Variants in INTS1 observed in about 807,000 individuals in gnomAD.
INTS1 encodes integrator complex subunit 1.
Under a neutral mutation model 241.6 loss-of-function variants are expected in INTS1, and 137 were observed. That is an observed-to-expected ratio of 0.57 (90% CI 0.49 to 0.65). INTS1 has a LOEUF of 0.65. INTS1 is among the 30% of genes least tolerant of loss of function. The pLI, the probability that INTS1 is intolerant of heterozygous loss-of-function variation, is 0.00. For missense variants in INTS1, 3,073 were observed against 3,032.2 expected (o/e 1.01, Z -0.32); for synonymous variants, 1,692 against 1,337.8 (o/e 1.26, Z -5.78).
rs548074674 is a variant in INTS1 at position 1,499,118 on chromosome 7, T to C, written c.994A>G (p.Met332Val). The change falls in exon 8 of 48, where the codon ATG (methionine) becomes GTG (valine). Residue 332 changes from methionine to valine, a missense_variant. By Grantham distance (21) the Met-to-Val change is conservative. Transcript: ENST00000404767. ...AESVEEYVLDMLRDQLNRRQP... is the reference protein window; with the variant it reads ...AESVEEYVLDVLRDQLNRRQP... ...CGCCGGTTCAGCTGGTCCCGCAGCA[T>C]GTCCAGGACATACTCCTCCACGCTC... is the stretch of plus-strand genomic sequence containing the variant. 93 of 1,611,682 alleles carry C rather than the reference T, an allele frequency of 5.8e-5. No individual in the cohort carries two copies. In the East Asian group the frequency reaches 1.6e-3, roughly 28 times the overall value.
At chr7:1,480,524 C>A in intron 29 of INTS1, 83 bp from the exon 30 acceptor site, 1 of 1,468,356 alleles carries the variant, frequency 6.8e-7, no homozygotes, top group South Asian at 1.3e-5. Flanking sequence ...CATGGCGAGT[C>A]CTGCCCGGGG....
At chr7:1,483,241 T>G in intron 26 of INTS1, 1 of 228,542 alleles carries the variant, frequency 4.4e-6, no homozygotes, top group Non-Finnish European at 8.8e-6. Flanking sequence ...GTTCATGGTG[T>G]CAGCCAGGAG....
Position 1,473,613 on chromosome 7 carries a change from A to G in INTS1, c.5910T>C (p.Asn1970=), listed in dbSNP as rs751156395. ...VQFIHKYITY[N]APAAISFLQK... Reference sequence around the variant, plus strand: ...GCAGGAAGGAGATGGCTGCTGGGGCATTGTAGGTAATGTACTTATGGATGA... The same window carrying G: ...GCAGGAAGGAGATGGCTGCTGGGGCGTTGTAGGTAATGTACTTATGGATGA... The change falls in exon 42 of 48, where the codon AAT becomes AAC. Residue 1970 remains asparagine, a synonymous_variant. Transcript: ENST00000404767. 4.3e-6 allele frequency: 7 copies of G among 1,612,096 alleles called. No homozygotes were observed. The highest frequency in any genetic ancestry group is 1.1e-5 in the South Asian group (1 of 90,724).
chr7:1,494,646 T>C lies in INTS1; in HGVS notation c.1910+170A>G. On this transcript the variant is annotated intron_variant, in intron 14 of 47. Coordinates refer to ENST00000404767, the MANE Select transcript of INTS1 (RefSeq NM_001080453.3). ...CTACAGTGGCGCTGGGACGCCAGCA[T>C]GGGAGTGGGAGAAGGGTGGCACCCA... 4.4e-6 allele frequency: 3 copies of C among 679,824 alleles called. 1 individual carries two copies. In the East Asian group the frequency reaches 8.2e-5, roughly 19 times the overall value. 42.1% of individuals were successfully genotyped at this position (679,824 alleles called of 1,614,324 possible). A position where few individuals can be genotyped will look rare whatever the true frequency, so the allele number is the denominator to read the frequency against.
chr7:1,496,332 G>T (rs1211883051), intron 11 of INTS1, 68 bp from the exon 12 acceptor site: 7 of 611,588 alleles, frequency 1.1e-5, no homozygotes, highest in Admixed American at 8.7e-5. Flanking sequence ...ACCCACGTGG[G>T]CGCGGCACGG....
At position 1,471,154 on chromosome 7, in the gene INTS1, C is replaced by G; in HGVS notation, c.6326G>C (p.Arg2109Pro). 6.3e-7 allele frequency: 1 copy of G among 1,576,372 alleles called. No homozygotes were observed. Among genetic ancestry groups the G allele is most frequent in the Non-Finnish European group, 8.6e-7 (1 of 1,162,482 alleles). Residue 2109 changes from arginine to proline, a missense_variant, in exon 46 of 48, where the codon CGC (arginine) becomes CCC (proline). By Grantham distance (103) the Arg-to-Pro change is moderately radical. Transcript: ENST00000404767. ...CRNLAFSLAL[R>P]SMQNSPSIAA... ...TCACCTGGGGCTGTTCTGCATGGAG[C>G]GCAGGGCCAGGCTGAAGGCGAGGTT...
rs926864126 is a variant in INTS1, at chr7:1,476,143, C to G, written c.5379-72G>C. ...ACAGGGGTGGGTGGACGGGACCAGG[C>G]GTGATGGGAACCCACCCAGGGCTGG... On this transcript the variant is annotated intron_variant, in intron 38 of 47. Transcript: ENST00000404767. The G allele has an allele frequency of 1.8e-5, 27 of 1,525,182 alleles. No homozygotes were observed. In the African/African-American group the frequency reaches 3.0e-4, roughly 17 times the overall value. 94.5% of individuals were successfully genotyped at this position (1,525,182 alleles called of 1,614,324 possible).
chr7:1,475,579 G>A (rs1221635914), intron 39 of INTS1, among the ~76,000 whole-genome samples: 1 of 152,182 alleles, frequency 6.6e-6, no homozygotes, highest in Admixed American at 6.5e-5. Context: ...GGTCACTGGA[G>A]AGGAGCAGAC....
chr7:1,484,641 G>C (rs1187708646), intron 24 of INTS1, among the ~76,000 whole-genome samples: 2 of 152,226 alleles, frequency 1.3e-5, no homozygotes, highest in Non-Finnish European at 2.9e-5. Context: ...CCAGCGACCT[G>C]GGCCCACAGC....
chr7:1,474,654 C>T, intron 40 of INTS1, 51 bp downstream of exon 40: 1 of 1,514,212 alleles, frequency 6.6e-7, no homozygotes, highest in East Asian at 2.5e-5. Flanking sequence ...GAGCCGCAGA[C>T]CCCCCTGGTT....
At chr7:1,472,524 A>C in intron 43 of INTS1, 138 bp from the exon 44 acceptor site, 2 of 602,440 alleles carry the variant, frequency 3.3e-6, no homozygotes, top group Non-Finnish European at 5.8e-6. Context: ...GCGCTCCACA[A>C]ATGGGGTGGA....
intron 1 of INTS1, 81 bp downstream of exon 1, chr7:1,504,242 G>A (rs1034384307): frequency 5.1e-6 from 3 of 586,526 alleles, no homozygotes; most frequent in East Asian, 3.7e-5. Context: ...AGAAGGGACG[G>A]CCCAGAGGCC....
rs1344221773 is a variant in INTS1, at chr7:1,476,329, C to T, written c.5278G>A (p.Ala1760Thr). 1 of 1,586,590 alleles carries T rather than the reference C, an allele frequency of 6.3e-7. No individual in the cohort carries two copies. Among genetic ancestry groups the T allele is most frequent in the South Asian group, 1.2e-5 (1 of 86,936 alleles). Residue 1760 changes from alanine (A) to threonine (T), a missense_variant, in exon 38 of 48, where the codon GCC becomes ACC. Transcript: ENST00000404767. Reference protein sequence around the residue: ...GDTAACSLIQARLPLLLSCCC... With the variant: ...GDTAACSLIQTRLPLLLSCCC... ...CAGCTGAGCAGCAGGGGCAGCCGGGCCTGGATGAGGCTGCAGGCGGCTGTG... is the reference window on the plus strand; with the variant it reads ...CAGCTGAGCAGCAGGGGCAGCCGGGTCTGGATGAGGCTGCAGGCGGCTGTG...
chr7:1,493,713 A>G lies in INTS1; in HGVS notation c.2068+41T>C. 2 of 1,539,928 alleles carry G rather than the reference A, an allele frequency of 1.3e-6. No individual in the cohort carries two copies. Among genetic ancestry groups the G allele is most frequent in the East Asian group, 2.4e-5 (1 of 40,994 alleles). On this transcript the variant is annotated intron_variant, in intron 15 of 47. Transcript: ENST00000404767. The surrounding 1 kb of genome is among the most constrained non-coding windows in gnomAD (Gnocchi z 5.3). ...CCGGGGTTTCTGCAGGGACGAGGGG[A>G]GCAGACCCAGCACAGGCGCCATCCC...
chr7:1,478,930 CG>C, intron 31 of INTS1, 45 bp from the exon 32 acceptor site: 1 of 1,559,990 alleles, frequency 6.4e-7, no homozygotes. Context: ...AGAGGACACA[CG>C]GGGACCCGGC....
rs753913965 is a variant in INTS1, at chr7:1,499,157, C to T, written c.955G>A (p.Glu319Lys). ...TCCTCCACGCTCTCCGCGAGCTCTT[C>T]GTACCTAGGCCAGAGGAGGGAGCGA... The part of the protein sequence containing the change: ...EQEGQLMPRY[E>K]ELAESVEEYV... Residue 319 changes from glutamate to lysine, a missense_variant, in exon 8 of 48, where the codon GAA becomes AAA. Glu to Lys is a moderately conservative substitution (Grantham distance 56). Transcript: ENST00000404767. The T allele has an allele frequency of 5.6e-6, 9 of 1,608,602 alleles. No individual in the cohort carries two copies. The highest frequency in any genetic ancestry group is 5.0e-5 in the Admixed American group (3 of 59,876).
rs747184060 is a variant in INTS1, at chr7:1,473,064, C to G, written c.6070+8G>C. The G allele has an allele frequency of 6.2e-5, 98 of 1,574,286 alleles. 1 individual carries two copies. Among genetic ancestry groups the G allele is most frequent in the Non-Finnish European group, 8.2e-5 (95 of 1,152,348 alleles). On this transcript the variant is annotated splice_region_variant and intron_variant, in intron 43 of 47. Transcript: ENST00000404767. ...CTGCTTCCAGCAGCCCCTGGCAGCC[C>G]CACTCACCCTCGCCCTCTTCGTCCA... is the stretch of plus-strand genomic sequence containing the variant.
intron 13 of INTS1, among the ~76,000 whole-genome samples, chr7:1,495,209 G>A (rs982522334): frequency 2.6e-4 from 40 of 152,256 alleles, no homozygotes; most frequent in African/African-American, 9.6e-4. Flanking sequence ...CCAATGCACA[G>A]GGTGACCTGC....
At chr7:1,482,428 T>G in intron 27 of INTS1, 118 bp downstream of exon 27, 3 of 1,000,880 alleles carry the variant, frequency 3.0e-6, no homozygotes. Context: ...CCCCTGAGGC[T>G]ACCCGGCCAG....
Sources: allele counts gnomAD v4.1 joint callset (sites outside exome capture counted in the v4.1 genomes callset), GRCh38; gene constraint gnomAD v4.1.1; non-coding constraint Gnocchi (gnomAD v3.1); transcripts MANE v1.5; gene names NCBI Gene and HGNC (gene_info 2026-07-23, HGNC 2026-07-21).